ZBTB7C: variants seen among roughly 807,000 people sequenced by gnomAD.
ZBTB7C encodes the protein zinc finger and BTB domain containing 7C, also known as zinc finger and BTB domain-containing protein 7C.
Under a neutral mutation model 25.7 loss-of-function variants are expected in ZBTB7C, and 8 were observed. The observed-to-expected ratio is 0.31, with a 90% CI of 0.18 to 0.56. The LOEUF (loss-of-function observed/expected upper bound fraction) is 0.56. Among genes scored for constraint, ZBTB7C ranks in the 20% least tolerant of loss-of-function variants. The probability of loss-of-function intolerance (pLI) is 0.91; values close to 1 mark genes in which losing one functional copy is unlikely to be tolerated. For missense variants in ZBTB7C, 824 were observed against 855.2 expected, an observed-to-expected ratio of 0.96 and a Z score of 0.46; for synonymous variants, 394 against 369.0, an observed-to-expected ratio of 1.07 and a Z score of -0.78.
intron 3 of ZBTB7C, among the ~76,000 whole-genome samples, chr18:48,110,549 A>T (rs374555080): frequency 1.3e-5 from 2 of 152,324 alleles, no homozygotes; most frequent in South Asian, 2.1e-4. Context: ...TTGGCGTCAA[A>T]TTATTAATTA....
At chr18:48,378,596 C>T (rs2047572606) in intron 1 of ZBTB7C, among the ~76,000 whole-genome samples, 1 of 151,944 alleles carries the variant, frequency 6.6e-6, no homozygotes, top group Non-Finnish European at 1.5e-5. Flanking sequence ...TGCAGATAAA[C>T]AAGAATAACT....
At chr18:48,387,857 G>T (rs1226728133) in intron 1 of ZBTB7C, among the ~76,000 whole-genome samples, 2 of 151,674 alleles carry the variant, frequency 1.3e-5, no homozygotes, top group Admixed American at 1.3e-4. Flanking sequence ...TTGTTTGTTT[G>T]TTTTGAGACA....
chr18:48,389,228 C>CG lies in ZBTB7C; in HGVS notation c.-304+19997_-304+19998insC, dbSNP rs2047828543. Among the ~76,000 whole-genome samples, 549 of 93,972 alleles carry CG rather than the reference C, an allele frequency of 5.8e-3. 1 individual carries two copies. Among genetic ancestry groups the CG allele is most frequent in the Non-Finnish European group, 7.1e-3 (324 of 45,934 alleles). 61.6% of individuals were successfully genotyped at this position (93,972 alleles called of 152,430 possible). On this transcript the variant is annotated intron_variant, in intron 1 of 4. Transcript: ENST00000590800. ...TCTCTCTCTCTCTCTCTCTCTCTCT[C>CG]TCTCTCTCGTGTGTGTGTGTGTGTG...
chr18:48,092,737 C>T (rs947479258), intron 3 of ZBTB7C, among the ~76,000 whole-genome samples: 18 of 152,202 alleles, frequency 1.2e-4, no homozygotes, highest in African/African-American at 3.9e-4. Context: ...TGACCCACCT[C>T]GAAAGACTGG....
At chr18:48,078,131 A>T (rs896088515) in intron 3 of ZBTB7C, among the ~76,000 whole-genome samples, 2 of 152,106 alleles carry the variant, frequency 1.3e-5, no homozygotes, top group East Asian at 1.9e-4. Context: ...TGTCACTAAG[A>T]TGGCCCTCTG....
chr18:48,133,124 G>A (rs1568244127), intron 3 of ZBTB7C, among the ~76,000 whole-genome samples: 1 of 152,218 alleles, frequency 6.6e-6, no homozygotes, highest in Admixed American at 6.5e-5. Context: ...GGCCTAGGAG[G>A]GGCAGCCTGT....
chr18:48,389,228 CTCTCTCTCGTGTGTGTGTGTGTGTGTGT>C (rs1290463115), intron 1 of ZBTB7C, among the ~76,000 whole-genome samples: 16 of 94,168 alleles, frequency 1.7e-4, no homozygotes, highest in African/African-American at 6.3e-4. Flanking sequence ...CTCTCTCTCT[CTCTCTCTCGTGTGTGTGTGTGTGTGTGT>C]GTGTGTGTGT....
intron 1 of ZBTB7C, among the ~76,000 whole-genome samples, chr18:48,370,983 G>T (rs2047374787): frequency 6.6e-6 from 1 of 152,158 alleles, no homozygotes; most frequent in African/African-American, 2.4e-5. Flanking sequence ...CACGAGGCAG[G>T]AGGTGATTCA....
At position 48,040,697 on chromosome 18, in the gene ZBTB7C, ATCC is replaced by A. The variant is rs772520057; in HGVS notation, c.408_410del (p.Glu136del). The A allele has an allele frequency of 1.9e-6, 3 of 1,612,346 alleles. No homozygotes were observed. In the East Asian group the frequency reaches 6.7e-5, roughly 36 times the overall value. On this transcript the variant is annotated inframe_deletion, in exon 4 of 5. Coordinates refer to ENST00000590800, the MANE Select transcript of ZBTB7C (RefSeq NM_001318841.2). The stretch of plus-strand genomic sequence containing the variant: ...CGTCGTCGTCATCGTCCTCCTTGTC[ATCC>A]TCCTCCCCCCCGTCCCCCCCAGGCT...
intron 2 of ZBTB7C, among the ~76,000 whole-genome samples, chr18:48,260,858 A>G (rs141411475): frequency 2.0e-5 from 3 of 152,224 alleles, no homozygotes; most frequent in Non-Finnish European, 4.4e-5. Flanking sequence ...TACTCTGAGC[A>G]TCTTGCCTTC....
At chr18:48,053,461 T>G (rs2036779534) in intron 3 of ZBTB7C, among the ~76,000 whole-genome samples, 2 of 152,356 alleles carry the variant, frequency 1.3e-5, no homozygotes, top group Admixed American at 6.5e-5. Flanking sequence ...GTACTCTGGG[T>G]GCCCATTAGG....
chr18:48,105,868 T>C (rs574841252), intron 3 of ZBTB7C, among the ~76,000 whole-genome samples: 30 of 152,332 alleles, frequency 2.0e-4, no homozygotes, highest in African/African-American at 7.2e-4. Context: ...TTGCCTGACA[T>C]CTTGTGTCTC....
At chr18:48,402,264 T>TAA (rs34563418) in intron 1 of ZBTB7C, among the ~76,000 whole-genome samples, 4,708 of 131,316 alleles carry the variant, frequency 0.036, 249 homozygotes, top group African/African-American at 0.12. Context: ...TATTTTTAGG[T>TAA]AAAAAAAAAA....
chr18:48,134,580 T>C (rs1273495224), intron 3 of ZBTB7C, among the ~76,000 whole-genome samples: 1 of 152,218 alleles, frequency 6.6e-6, no homozygotes, highest in Non-Finnish European at 1.5e-5. Context: ...ACAAGTCCTG[T>C]GAGTGTAGAC....
intron 2 of ZBTB7C, among the ~76,000 whole-genome samples, chr18:48,218,530 A>G (rs1297945295): frequency 3.9e-5 from 6 of 152,216 alleles, no homozygotes; most frequent in African/African-American, 1.4e-4. Context: ...CTCTCTCTAC[A>G]TGGCACACAC....
intron 3 of ZBTB7C, among the ~76,000 whole-genome samples, chr18:48,077,413 C>T (rs1489108404): frequency 6.6e-6 from 1 of 152,232 alleles, no homozygotes; most frequent in Non-Finnish European, 1.5e-5. Flanking sequence ...AGTACGCTCA[C>T]ACCCCAAACT....
At chr18:48,331,300 C>T (rs2046337278) in intron 2 of ZBTB7C, among the ~76,000 whole-genome samples, 1 of 152,068 alleles carries the variant, frequency 6.6e-6, no homozygotes, top group Non-Finnish European at 1.5e-5. Context: ...ACTTATCCTT[C>T]GATCTTGGGC....
chr18:48,274,076 T>C (rs2044571645), intron 2 of ZBTB7C, among the ~76,000 whole-genome samples: 1 of 152,232 alleles, frequency 6.6e-6, no homozygotes. Flanking sequence ...TTTTTCATGA[T>C]ACATGTGTAA....
rs1186647734 is a variant in ZBTB7C at position 48,029,638 on chromosome 18, C to T, written c.1482G>A (p.Gly494=). The T allele has an allele frequency of 1.4e-5, 21 of 1,527,082 alleles. No homozygotes were observed. Among genetic ancestry groups the T allele is most frequent in the Non-Finnish European group, 1.8e-5 (21 of 1,145,490 alleles). The allele number at this position is 1,527,082 out of a possible 1,614,324, so 94.6% of individuals were successfully genotyped here. A position where few individuals can be genotyped will look rare whatever the true frequency, so the allele number is the denominator to read the frequency against. The part of the protein sequence containing the change: ...AAWRAASLLF[G]PGGPAPDKAA... ...CCTTGTCGGGGGCCGGGCCGCCGGG[C>T]CCGAAGAGCAGGCTGGCGGCCCTCC... is the stretch of plus-strand genomic sequence containing the variant. Residue 494 remains glycine, a synonymous_variant, in exon 5 of 5, where the codon GGG becomes GGA. Coordinates refer to ENST00000590800, the MANE Select transcript of ZBTB7C (RefSeq NM_001318841.2).
Sources: gnomAD v4.1 joint callset for allele counts (sites outside exome capture counted in the v4.1 genomes callset) on GRCh38, gnomAD v4.1.1 for gene constraint, MANE v1.5 for transcripts, NCBI Gene and HGNC (gene_info 2026-07-23, HGNC 2026-07-21) for gene names.